LUC7L: variants seen among roughly 807,000 people sequenced by gnomAD.
The protein encoded by LUC7L is putative RNA-binding protein Luc7-like 1.
A neutral mutation model predicts 51.1 loss-of-function variants in LUC7L; 29 were observed. That is an observed-to-expected ratio of 0.57 (90% CI 0.42 to 0.77). The LOEUF is 0.77. LUC7L is among the 30% of genes least tolerant of loss of function. LUC7L has a pLI of 0.00. For missense variants in LUC7L, 403 were observed against 511.9 expected (o/e 0.79, Z 2.05); for synonymous variants, 181 against 180.7 (o/e 1.00, Z -0.01).
chr16:217,974 G>A (rs938997284), intron 3 of LUC7L, among the ~76,000 whole-genome samples: 7 of 149,276 alleles, frequency 4.7e-5, no homozygotes, highest in Admixed American at 2.7e-4. Context: ...GCAGTGAGCC[G>A]AGATCATGCC....
chr16:228,572 TACA>T lies in LUC7L; in HGVS notation c.61+704_61+706del, dbSNP rs556554071. The T allele has an allele frequency of 8.0e-5, 95 of 1,193,590 alleles. No homozygotes were observed. The African/African-American group carries it at 1.4e-3, about 17-fold the overall frequency. 73.9% of individuals were successfully genotyped at this position (1,193,590 alleles called of 1,614,324 possible). A position where few individuals can be genotyped will look rare whatever the true frequency, so the allele number is the denominator to read the frequency against. ...CCCTGAGAATGTGCCAGTGTGAACT[TACA>T]ACTTCATTACTCAGCAGAAAAGAAA... On this transcript the variant is annotated intron_variant, in intron 1 of 9. Transcript: ENST00000293872.
At chr16:193,568 C>T (rs1404607054) in intron 6 of LUC7L, among the ~76,000 whole-genome samples, 1 of 152,116 alleles carries the variant, frequency 6.6e-6, no homozygotes, top group African/African-American at 2.4e-5. Context: ...GCGATCTTTG[C>T]TCACTGAAGC....
intron 1 of LUC7L, chr16:227,923 CA>C: frequency 2.0e-6 from 2 of 1,002,178 alleles, no homozygotes; most frequent in South Asian, 4.2e-5. Flanking sequence ...AAGACAATAC[CA>C]AAAAAAGCAA....
intron 6 of LUC7L, among the ~76,000 whole-genome samples, chr16:195,074 T>G (rs1294365814): frequency 6.6e-6 from 1 of 152,150 alleles, no homozygotes; most frequent in African/African-American, 2.4e-5. Context: ...CTTTCACCCA[T>G]GCTCATCCTG....
chr16:208,200 A>G lies in LUC7L; in HGVS notation c.256-12T>C. On this transcript the variant is annotated splice_polypyrimidine_tract_variant and intron_variant, in intron 3 of 9. Coordinates refer to ENST00000293872, the MANE Select transcript of LUC7L (RefSeq NM_201412.3). ...AAGTGATCCATTGCCTAGCACGGGA[A>G]AAGCACAGCGCTATAATCAATGATG... The G allele has an allele frequency of 6.4e-7, 1 of 1,567,074 alleles. No individual in the cohort carries two copies. Among genetic ancestry groups the G allele is most frequent in the South Asian group, 1.1e-5 (1 of 90,120 alleles).
At position 217,634 on chromosome 16, in the gene LUC7L, G is replaced by T. The variant is rs1011886121; in HGVS notation, c.255+3015C>A. Among the ~76,000 whole-genome samples the T allele has an allele frequency of 2.0e-5, 3 of 149,696 alleles. 1 individual carries two copies. Among genetic ancestry groups the T allele is most frequent in the East Asian group, 4.0e-4 (2 of 5,042 alleles). On this transcript the variant is annotated intron_variant, in intron 3 of 9. Coordinates refer to ENST00000293872, the MANE Select transcript of LUC7L (RefSeq NM_201412.3). The stretch of plus-strand genomic sequence containing the variant: ...AGGCAGGAAAATCGCTTGAAACCAG[G>T]AGGCAGAGGTTGCAGTGGGCCGAGA...
intron 4 of LUC7L, among the ~76,000 whole-genome samples, chr16:207,099 T>C (rs1371312242): frequency 6.6e-6 from 1 of 151,362 alleles, no homozygotes; most frequent in Non-Finnish European, 1.5e-5. Context: ...CTCAGGAGGC[T>C]GAGGCAGGAG....
intron 2 of LUC7L, among the ~76,000 whole-genome samples, chr16:223,559 G>C (rs1052967253): frequency 4.6e-5 from 7 of 152,098 alleles, no homozygotes; most frequent in African/African-American, 1.7e-4. Flanking sequence ...TCACGTTATG[G>C]TCGGTTACAT....
At chr16:211,201 G>A (rs772449880) in intron 3 of LUC7L, among the ~76,000 whole-genome samples, 2 of 152,190 alleles carry the variant, frequency 1.3e-5, no homozygotes, top group Non-Finnish European at 1.5e-5. Context: ...GCGTGGTGGC[G>A]GGCACCACTG....
At chr16:211,653 A>C (rs994445729) in intron 3 of LUC7L, among the ~76,000 whole-genome samples, 1 of 152,204 alleles carries the variant, frequency 6.6e-6, no homozygotes, top group African/African-American at 2.4e-5. Flanking sequence ...TTAAGTCCTA[A>C]TCACAACCTA....
chr16:224,069 C>G (rs2050053974), intron 2 of LUC7L, among the ~76,000 whole-genome samples: 1 of 152,016 alleles, frequency 6.6e-6, no homozygotes, highest in South Asian at 2.1e-4. Flanking sequence ...TGGCAGCTAT[C>G]AGAAAAAATG....
chr16:206,339 A>T (rs1315768374), intron 4 of LUC7L, among the ~76,000 whole-genome samples, 192 bp from the exon 5 acceptor site: 1 of 152,188 alleles, frequency 6.6e-6, no homozygotes, highest in Non-Finnish European at 1.5e-5. Flanking sequence ...TTCCAATGAA[A>T]CCAGTGGCAC....
chr16:189,604 A>T (rs986711008), intron 9 of LUC7L: 4 of 1,335,424 alleles, frequency 3.0e-6, no homozygotes. Context: ...CTATATGCAC[A>T]GAACATGACA....
At position 206,163 on chromosome 16, in the gene LUC7L, A is replaced by C. The variant is rs889285933; in HGVS notation, c.367-16T>G. ...CTTTTTCTGCCTGTGAGGAGAAAGA[A>C]TGAGGTAAGCAGACATCTGAAAATG... On this transcript the variant is annotated splice_polypyrimidine_tract_variant and intron_variant, in intron 4 of 9. Transcript: ENST00000293872. 1 of 1,611,128 alleles carries C rather than the reference A, an allele frequency of 6.2e-7. No homozygotes were observed. Among genetic ancestry groups the C allele is most frequent in the Non-Finnish European group, 8.5e-7 (1 of 1,179,264 alleles).
In LUC7L at chr16:208,137, G is replaced by A; in HGVS notation, c.307C>T (p.Leu103Phe). The change falls in exon 4 of 10, where the codon CTC (leucine) becomes TTC (phenylalanine). Residue 103 changes from leucine (L) to phenylalanine (F), a missense_variant. This residue lies in a region of LUC7L where 182 missense variants were observed against 248.4 expected (regional missense o/e 0.73). Transcript: ENST00000293872. ...GTTTCTGCCAGCCGCTTCTTGGCGA[G>A]CTCAGTTCTCCGATCACATTCAGCA... ...FIAECDRRTE[L>F]AKKRLAETQE... 1.2e-6 allele frequency: 2 copies of A among 1,613,630 alleles called. No individual in the cohort carries two copies. The highest frequency in any genetic ancestry group is 1.7e-6 in the Non-Finnish European group (2 of 1,179,840).
intron 5 of LUC7L, among the ~76,000 whole-genome samples, chr16:202,253 G>A (rs2049355311): frequency 6.6e-6 from 1 of 151,962 alleles, no homozygotes; most frequent in African/African-American, 2.4e-5. Flanking sequence ...GAAGGAGTGA[G>A]ACAGAGAGAA....
At chr16:206,331 C>G (rs1054509487) in intron 4 of LUC7L, among the ~76,000 whole-genome samples, 184 bp from the exon 5 acceptor site, 1 of 152,206 alleles carries the variant, frequency 6.6e-6, no homozygotes, top group Non-Finnish European at 1.5e-5. Flanking sequence ...GTCCTATGTT[C>G]CAATGAAACC....
intron 5 of LUC7L, among the ~76,000 whole-genome samples, chr16:200,117 G>T (rs544411298): frequency 9.9e-5 from 15 of 151,586 alleles, no homozygotes; most frequent in Admixed American, 6.6e-4. Flanking sequence ...GCAAAACCCT[G>T]TCTCTACTAA....
At chr16:200,112 A>T (rs1456044211) in intron 5 of LUC7L, among the ~76,000 whole-genome samples, 1 of 151,700 alleles carries the variant, frequency 6.6e-6, no homozygotes, top group Non-Finnish European at 1.5e-5. Context: ...ACATAGCAAA[A>T]CCCTGTCTCT....
Sources: allele counts gnomAD v4.1 joint callset (sites outside exome capture counted in the v4.1 genomes callset), GRCh38; gene constraint gnomAD v4.1.1; regional missense constraint gnomAD v4.1.1; transcripts MANE v1.5; gene names NCBI Gene and HGNC (gene_info 2026-07-23, HGNC 2026-07-21).